Variants in SGCZ observed in about 807,000 individuals in gnomAD.
SGCZ encodes sarcoglycan zeta.
SGCZ carries 40 observed loss-of-function variants against 41.3 expected under a neutral mutation model. That is an observed-to-expected ratio of 0.97 (90% CI 0.75 to 1.26). SGCZ has a LOEUF of 1.26. Among genes scored for constraint, SGCZ ranks in the 50% most tolerant of loss-of-function variants. SGCZ has a pLI of 0.00. For synonymous variants in SGCZ, 206 were observed against 137.5 expected (o/e 1.50, Z -3.49); for missense variants, 552 against 369.8 (o/e 1.49, Z -4.04).
chr8:14,731,048 G>C (rs1161365888), intron 1 of SGCZ, among the ~76,000 whole-genome samples: 1 of 151,674 alleles, frequency 6.6e-6, no homozygotes, highest in South Asian at 2.1e-4. Flanking sequence ...TATACCCAAA[G>C]GATGATAAAT....
At chr8:14,819,381 T>A (rs1360722291) in intron 1 of SGCZ, among the ~76,000 whole-genome samples, 1 of 152,186 alleles carries the variant, frequency 6.6e-6, no homozygotes, top group African/African-American at 2.4e-5. Flanking sequence ...AGTTTGTTTT[T>A]TCCTTAAGCA....
intron 1 of SGCZ, among the ~76,000 whole-genome samples, chr8:14,941,099 G>C (rs1227427582): frequency 6.6e-6 from 1 of 152,016 alleles, no homozygotes; most frequent in Non-Finnish European, 1.5e-5. Flanking sequence ...TAAAAAAAGA[G>C]TTAACATACA....
At chr8:15,044,385 G>C (rs1365619224) in intron 1 of SGCZ, among the ~76,000 whole-genome samples, 4 of 152,110 alleles carry the variant, frequency 2.6e-5, no homozygotes, top group Admixed American at 2.6e-4. Context: ...TGAGAAAGCT[G>C]AAACTCTTTG....
chr8:14,692,822 A>G (rs1363580424), intron 1 of SGCZ, among the ~76,000 whole-genome samples: 1 of 152,208 alleles, frequency 6.6e-6, no homozygotes, highest in Non-Finnish European at 1.5e-5. Flanking sequence ...AATAAAAACT[A>G]TTCAGGAAAA....
At chr8:14,983,934 T>A (rs1801750917) in intron 1 of SGCZ, among the ~76,000 whole-genome samples, 1 of 152,180 alleles carries the variant, frequency 6.6e-6, no homozygotes, top group Non-Finnish European at 1.5e-5. Context: ...ACTCTTATTA[T>A]CTCAGGTTGT....
At chr8:14,920,610 TATC>T (rs1437370542) in intron 1 of SGCZ, among the ~76,000 whole-genome samples, 9 of 152,104 alleles carry the variant, frequency 5.9e-5, no homozygotes, top group African/African-American at 9.7e-5. Context: ...ATTAAGAAGA[TATC>T]ATAGAGGAGG....
intron 1 of SGCZ, among the ~76,000 whole-genome samples, chr8:14,637,302 C>G (rs1449458256): frequency 7.3e-6 from 1 of 136,354 alleles, no homozygotes; most frequent in Non-Finnish European, 1.6e-5. Context: ...TTTCTATTCT[C>G]TATTTTCATT....
chr8:14,758,135 T>A (rs1799748151), intron 1 of SGCZ, among the ~76,000 whole-genome samples: 1 of 152,200 alleles, frequency 6.6e-6, no homozygotes, highest in Non-Finnish European at 1.5e-5. Flanking sequence ...AGTACAATGA[T>A]ATTTCTCTCC....
intron 5 of SGCZ, among the ~76,000 whole-genome samples, chr8:14,160,878 C>T (rs999235547): frequency 6.6e-6 from 1 of 152,168 alleles, no homozygotes; most frequent in Non-Finnish European, 1.5e-5. Context: ...CATCCCTTGT[C>T]TAAATGAATC....
At chr8:14,869,463 C>A (rs1804062838) in intron 1 of SGCZ, among the ~76,000 whole-genome samples, 1 of 152,122 alleles carries the variant, frequency 6.6e-6, no homozygotes, top group African/African-American at 2.4e-5. Flanking sequence ...CTATTTATGA[C>A]AAACCCACAG....
At chr8:14,234,870 T>C (rs1806699229) in intron 4 of SGCZ, among the ~76,000 whole-genome samples, 1 of 152,186 alleles carries the variant, frequency 6.6e-6, no homozygotes, top group Admixed American at 6.5e-5. Flanking sequence ...TTCTGTGTTG[T>C]GTTTTGTAAC....
At chr8:14,132,101 C>T (rs1183321509) in intron 5 of SGCZ, among the ~76,000 whole-genome samples, 1 of 152,044 alleles carries the variant, frequency 6.6e-6, no homozygotes, top group Non-Finnish European at 1.5e-5. Context: ...GTGATGGTGT[C>T]CCAGAGGTCC....
rs78104584 is a variant in SGCZ at position 14,345,807 on chromosome 8, C to A, written c.235-21603G>T. Among the ~76,000 whole-genome samples, 545 of 152,160 alleles carry A rather than the reference C, an allele frequency of 3.6e-3. 3 individuals are homozygous for A. Among genetic ancestry groups the A allele is most frequent in the East Asian group, 0.018 (93 of 5,178 alleles). ...GCAGTCCTAGATCATGATTCTAGAC[C>A]AAACTCCATCCCTTCCTACTGTGTG... On this transcript the variant is annotated intron_variant, in intron 2 of 7. Coordinates refer to ENST00000382080, the MANE Select transcript of SGCZ (RefSeq NM_139167.4).
chr8:14,215,438 C>A (rs116282736), intron 4 of SGCZ, among the ~76,000 whole-genome samples: 5,413 of 151,788 alleles, frequency 0.036, 146 homozygotes, highest in African/African-American at 0.076. Context: ...AATGAATAAT[C>A]TAAGTTCTTA....
At chr8:15,180,760 G>A (rs1046330241) in intron 1 of SGCZ, among the ~76,000 whole-genome samples, 5 of 129,028 alleles carry the variant, frequency 3.9e-5, no homozygotes, top group South Asian at 2.4e-4. Flanking sequence ...GGTGGTGGGC[G>A]CCTGTAGCCC....
intron 2 of SGCZ, among the ~76,000 whole-genome samples, chr8:14,361,877 C>G (rs938349518): frequency 6.6e-6 from 1 of 152,076 alleles, no homozygotes; most frequent in African/African-American, 2.4e-5. Context: ...TGTGGATGTC[C>G]TTTTTGTAGA....
intron 1 of SGCZ, among the ~76,000 whole-genome samples, chr8:15,174,860 G>A (rs1799950708): frequency 1.3e-5 from 2 of 152,158 alleles, no homozygotes; most frequent in Admixed American, 1.3e-4. Context: ...ATGCTGGTAA[G>A]GTTGTGGAGT....
At chr8:14,860,099 A>C (rs1803669328) in intron 1 of SGCZ, among the ~76,000 whole-genome samples, 2 of 152,328 alleles carry the variant, frequency 1.3e-5, no homozygotes, top group South Asian at 4.1e-4. Flanking sequence ...TAGAAAACAT[A>C]AAGATGCTCT....
chr8:15,235,206 G>A (rs1266145627), intron 1 of SGCZ, among the ~76,000 whole-genome samples: 1 of 152,108 alleles, frequency 6.6e-6, no homozygotes, highest in Non-Finnish European at 1.5e-5. Flanking sequence ...AAGAAATCTA[G>A]ACAAGTTATT....
Sources: gnomAD v4.1 joint callset for allele counts (sites outside exome capture counted in the v4.1 genomes callset) on GRCh38, gnomAD v4.1.1 for gene constraint, MANE v1.5 for transcripts, NCBI Gene and HGNC (gene_info 2026-07-23, HGNC 2026-07-21) for gene names.